MRPS25: variants seen among roughly 807,000 people sequenced by gnomAD.
MRPS25 encodes the protein mitochondrial ribosomal protein S25.
In MRPS25, 15 loss-of-function variants were observed where a neutral mutation model predicts 17.3. The observed-to-expected ratio is 0.87, with a 90% CI of 0.58 to 1.34. The LOEUF (loss-of-function observed/expected upper bound fraction) is 1.34, where lower values mean the gene tolerates loss of function less well. Among genes scored for constraint, MRPS25 ranks in the 40% most tolerant of loss-of-function variants. The pLI, the probability that MRPS25 is intolerant of heterozygous loss-of-function variation, is 0.00. For missense variants in MRPS25, 225 were observed against 218.6 expected (o/e 1.03, Z -0.19); for synonymous variants, 94 against 83.3 (o/e 1.13, Z -0.70).
At chr3:15,042,918 T>C, downstream of MRPS25, 1 of 1,614,206 alleles carries the variant, frequency 6.2e-7, no homozygotes. Flanking sequence ...CTGGTCTCAT[T>C]GGCAATGTTT....
downstream of MRPS25, chr3:15,043,727 C>T (rs1282525156): frequency 6.6e-6 from 1 of 152,258 alleles, no homozygotes; most frequent in Admixed American, 6.5e-5. Context: ...ATAGAGCAGA[C>T]ACTTGTCAGG....
rs1048572464 is a variant in MRPS25 at position 15,065,189 on chromosome 3, G to A, written c.6C>T (p.Pro2=). 3 of 1,598,332 alleles carry A rather than the reference G, an allele frequency of 1.9e-6. No individual in the cohort carries two copies. The highest frequency in any genetic ancestry group is 2.3e-5 in the South Asian group (2 of 88,796). ...GGCGGATGGGGAAGCGGCCCTTCAT[G>A]GGCATGGCGGCAACGGTGGCGGGGC... M[P]MKGRFPIRRT... The change falls in exon 1 of 4, where the codon CCC becomes CCT. Residue 2 remains proline (P), a synonymous_variant. Coordinates refer to ENST00000253686, the MANE Select transcript of MRPS25 (RefSeq NM_022497.5).
rs115742608 is a variant in MRPS25 at position 15,064,381 on chromosome 3, A to G, written c.134+680T>C. ...CTGAAAGACATCCTAGGCGTTCCCT[A>G]CAGTTCCTTCTAGTCGGGGTAGGGT... On this transcript the variant is annotated intron_variant, in intron 1 of 3. Coordinates refer to ENST00000253686, the MANE Select transcript of MRPS25 (RefSeq NM_022497.5). Among the ~76,000 whole-genome samples, 465 of 152,236 alleles carry G rather than the reference A, an allele frequency of 3.1e-3. 2 individuals are homozygous for G. The highest frequency in any genetic ancestry group is 0.011 in the African/African-American group (442 of 41,532).
chr3:15,055,566 G>T (rs922025458), intron 2 of MRPS25, among the ~76,000 whole-genome samples: 1 of 152,124 alleles, frequency 6.6e-6, no homozygotes, highest in Non-Finnish European at 1.5e-5. Context: ...AAACACAAAA[G>T]ATTGGAAAAG....
chr3:15,046,115 C>T (rs976767483), downstream of MRPS25: 1 of 152,240 alleles, frequency 6.6e-6, no homozygotes, highest in Non-Finnish European at 1.5e-5. Context: ...ACCTACCATA[C>T]TCTCCTAATT....
chr3:15,055,621 G>A (rs985314920), intron 2 of MRPS25, among the ~76,000 whole-genome samples: 4 of 152,148 alleles, frequency 2.6e-5, no homozygotes, highest in Admixed American at 6.5e-5. Flanking sequence ...TACAGTGCGT[G>A]TAGAAAATCC....
Position 15,050,358 on chromosome 3 carries a change from T to G in MRPS25, c.*2083A>C. ...TCTGTCCCATTAGGGACCAGACATT[T>G]ATTCTGTCTAGAGAATGGTCACCAC... On this transcript the variant is annotated 3_prime_UTR_variant, in exon 4 of 4. Transcript: ENST00000253686. The G allele has an allele frequency of 9.5e-7, 1 of 1,052,848 alleles. No individual in the cohort carries two copies. Among genetic ancestry groups the G allele is most frequent in the Non-Finnish European group, 1.1e-6 (1 of 874,732 alleles). The allele number at this position is 1,052,848 out of a possible 1,614,324, so 65.2% of individuals were successfully genotyped here. A position where few individuals can be genotyped will look rare whatever the true frequency, so the allele number is the denominator to read the frequency against.
At chr3:15,048,163 T>G (rs1344207441), downstream of MRPS25, 1 of 152,710 alleles carries the variant, frequency 6.5e-6, no homozygotes, top group Non-Finnish European at 1.5e-5. Flanking sequence ...TAGTACTCAG[T>G]GCCTTTTGTG....
chr3:15,043,046 T>C (rs754056755), downstream of MRPS25: 5 of 1,573,462 alleles, frequency 3.2e-6, no homozygotes, highest in South Asian at 4.7e-5. Flanking sequence ...ACAGAATCCT[T>C]CCAGGACCGT....
rs575028806 is a variant in MRPS25 at position 15,053,266 on chromosome 3, G to A, written c.329+114C>T. On this transcript the variant is annotated intron_variant, in intron 3 of 3. Transcript: ENST00000253686. ...ACAGCCCCAGCTCTTATTAGTGTCT[G>A]GCGTTCACTGTCAGAGAATCTTACC... The A allele has an allele frequency of 9.7e-6, 15 of 1,540,020 alleles. No homozygotes were observed. The East Asian group carries it at 3.3e-4, about 34-fold the overall frequency.
At position 15,065,282 on chromosome 3, in the gene MRPS25, C is replaced by G; in HGVS notation, c.-88G>C. 2.1e-6 allele frequency: 3 copies of G among 1,444,316 alleles called. No individual in the cohort carries two copies. Among genetic ancestry groups the G allele is most frequent in the Admixed American group, 2.5e-5 (1 of 39,418 alleles). The allele number at this position is 1,444,316 out of a possible 1,614,324, so 89.5% of individuals were successfully genotyped here. ...AGCTAGCACCCGCGCGGATCTCACGCGGCTTCTCCCCAGAGCCAGGTTCCA... is the reference window on the plus strand; with the variant it reads ...AGCTAGCACCCGCGCGGATCTCACGGGGCTTCTCCCCAGAGCCAGGTTCCA... On this transcript the variant is annotated 5_prime_UTR_variant, in exon 1 of 4. Transcript: ENST00000253686.
At position 15,052,599 on chromosome 3, in the gene MRPS25, G is replaced by T. The variant is rs2042619245; in HGVS notation, c.364C>A (p.Gln122Lys). 6.2e-7 allele frequency: 1 copy of T among 1,614,134 alleles called. No individual in the cohort carries two copies. The highest frequency in any genetic ancestry group is 8.5e-7 in the Non-Finnish European group (1 of 1,180,006). The stretch of plus-strand genomic sequence containing the variant: ...CCGAAGTTGGCTGGGTGAGAAAGCT[G>T]CTTTTTCTCCTCCTCCTCTTCCCTG... ...TLREEEEEKK[Q>K]LSHPANFGPR... The change falls in exon 4 of 4, where the codon CAG becomes AAG. Residue 122 changes from glutamine to lysine, a missense_variant. Physicochemically the swap from Gln to Lys is moderately conservative, Grantham distance 53 (BLOSUM62 1). Coordinates refer to ENST00000253686, the MANE Select transcript of MRPS25 (RefSeq NM_022497.5).
rs574119648 is a variant in MRPS25, at chr3:15,057,029, A to G, written c.241+2340T>C. Among the ~76,000 whole-genome samples, 4 of 152,216 alleles carry G rather than the reference A, an allele frequency of 2.6e-5. No individual in the cohort carries two copies. In the East Asian group the frequency reaches 7.7e-4, roughly 29 times the overall value. Reference sequence around the variant, plus strand: ...AGATAGAGACCTGCGCAGCCTACACACACGTTTACTGTAGCTTTCTTCTTG... The same window carrying G: ...AGATAGAGACCTGCGCAGCCTACACGCACGTTTACTGTAGCTTTCTTCTTG... On this transcript the variant is annotated intron_variant, in intron 2 of 3. Coordinates refer to ENST00000253686, the MANE Select transcript of MRPS25 (RefSeq NM_022497.5).
At chr3:15,057,149 C>G (rs1464602644) in intron 2 of MRPS25, among the ~76,000 whole-genome samples, 1 of 152,248 alleles carries the variant, frequency 6.6e-6, no homozygotes, top group Non-Finnish European at 1.5e-5. Context: ...CTGCTGGGAT[C>G]TGCGCAGCAC....
chr3:15,050,795 C>T lies in MRPS25; in HGVS notation c.*1646G>A. On this transcript the variant is annotated 3_prime_UTR_variant, in exon 4 of 4. Transcript: ENST00000253686. ...CCTCCCACCCCCGACAAGCCATCAC[C>T]CCAAACCCAGATCTGGTACAGAATC... The T allele has an allele frequency of 6.1e-6, 6 of 985,438 alleles. No individual in the cohort carries two copies. Among genetic ancestry groups the T allele is most frequent in the Non-Finnish European group, 6.0e-6 (5 of 829,938 alleles). 61.0% of individuals were successfully genotyped at this position (985,438 alleles called of 1,614,324 possible).
chr3:15,061,723 A>C (rs1247621794), intron 1 of MRPS25, among the ~76,000 whole-genome samples: 2 of 146,172 alleles, frequency 1.4e-5, no homozygotes, highest in East Asian at 4.1e-4. Context: ...CCCAGCCTGG[A>C]AAGTGAGGAG....
chr3:15,052,315 T>C lies in MRPS25; in HGVS notation c.*126A>G. Reference sequence around the variant, plus strand: ...CTTTTACACAGGTGTGTAAAGTCCTTTTAATGCAAAAGGATTTCCAGAGTC... The same window carrying C: ...CTTTTACACAGGTGTGTAAAGTCCTCTTAATGCAAAAGGATTTCCAGAGTC... On this transcript the variant is annotated 3_prime_UTR_variant, in exon 4 of 4. Transcript: ENST00000253686. 6.8e-7 allele frequency: 1 copy of C among 1,479,952 alleles called. No individual in the cohort carries two copies. The highest frequency in any genetic ancestry group is 8.9e-7 in the Non-Finnish European group (1 of 1,117,732). 91.7% of individuals were successfully genotyped at this position (1,479,952 alleles called of 1,614,324 possible). A position where few individuals can be genotyped will look rare whatever the true frequency, so the allele number is the denominator to read the frequency against.
At chr3:15,054,088 C>A (rs2125132868) in intron 2 of MRPS25, among the ~76,000 whole-genome samples, 1 of 152,130 alleles carries the variant, frequency 6.6e-6, no homozygotes, top group East Asian at 1.9e-4. Flanking sequence ...AACCCCATCT[C>A]TACTAAAAAT....
At chr3:15,047,126 A>G (rs1480102378), downstream of MRPS25, 1 of 152,680 alleles carries the variant, frequency 6.5e-6, no homozygotes, top group Non-Finnish European at 1.5e-5. Flanking sequence ...GATGTATATT[A>G]TGTATACAGA....
Sources: allele counts gnomAD v4.1 joint callset (sites outside exome capture counted in the v4.1 genomes callset), GRCh38; gene constraint gnomAD v4.1.1; transcripts MANE v1.5; gene names NCBI Gene and HGNC (gene_info 2026-07-23, HGNC 2026-07-21).